Variants in SREBF2 observed in about 807,000 individuals in gnomAD.
The protein encoded by SREBF2 is sterol regulatory element binding transcription factor 2.
Under a neutral mutation model 113.1 loss-of-function variants are expected in SREBF2, and 55 were observed. The observed-to-expected ratio is 0.49, with a 90% CI of 0.39 to 0.61. SREBF2 has a LOEUF of 0.61. SREBF2 is among the 20% of genes least tolerant of loss of function. SREBF2 has a pLI of 0.00. For synonymous variants in SREBF2, 593 were observed against 605.7 expected, an observed-to-expected ratio of 0.98 and a Z score of 0.31; for missense variants, 1,349 against 1,487.4, an observed-to-expected ratio of 0.91 and a Z score of 1.53.
intron 1 of SREBF2, among the ~76,000 whole-genome samples, chr22:41,862,014 AGCCCCT>A (rs2077031737): frequency 6.6e-6 from 1 of 152,244 alleles, no homozygotes; most frequent in African/African-American, 2.4e-5. Context: ...TAGGTTTCCC[AGCCCCT>A]AATAGGGCTG....
intron 1 of SREBF2, among the ~76,000 whole-genome samples, chr22:41,847,685 T>C (rs757102830): frequency 6.6e-6 from 1 of 152,236 alleles, no homozygotes; most frequent in Non-Finnish European, 1.5e-5. Flanking sequence ...ACTTAGCCTC[T>C]GAGTGCCTCA....
rs2077287031 is a variant in SREBF2, at chr22:41,885,014, G to A, written c.2208+3G>A. On this transcript the variant is annotated splice_donor_region_variant and intron_variant, in intron 11 of 18. Coordinates refer to ENST00000361204, the MANE Select transcript of SREBF2 (RefSeq NM_004599.4). ...GAGGCAAGCTGGGCTTCCTGGCCGT[G>A]AGTACCCTTCGGTTCCCTTCTGTAA... 1 of 1,614,062 alleles carries A rather than the reference G, an allele frequency of 6.2e-7. No individual in the cohort carries two copies. The highest frequency in any genetic ancestry group is 2.2e-5 in the East Asian group (1 of 44,880).
intron 1 of SREBF2, among the ~76,000 whole-genome samples, chr22:41,835,414 G>A (rs373937393): frequency 1.3e-5 from 2 of 149,416 alleles, no homozygotes; most frequent in African/African-American, 2.5e-5. Context: ...GAGTTCAGGC[G>A]ATTCTCCTGT....
intron 7 of SREBF2, 128 bp from the exon 8 acceptor site, chr22:41,877,101 C>G (rs1266747295): frequency 1.5e-5 from 14 of 931,672 alleles, no homozygotes; most frequent in Non-Finnish European, 2.4e-5. Flanking sequence ...TCCCATCTGG[C>G]CTTAGTCCTG....
chr22:41,902,136 C>T (rs1433254462), intron 16 of SREBF2, among the ~76,000 whole-genome samples: 2 of 152,204 alleles, frequency 1.3e-5, no homozygotes, highest in African/African-American at 4.8e-5. Context: ...GGAGGAAAGC[C>T]AGGGCTGGGT....
Position 41,868,699 on chromosome 22 carries a change from G to A in SREBF2, c.627G>A (p.Gln209=), listed in dbSNP as rs2077110446. Residue 209 remains glutamine (Q), a synonymous_variant, in exon 3 of 19, where the codon CAG becomes CAA. Transcript: ENST00000361204. ...AGCAGGTGCAGACAGTACAGGCCCAGCGGGTGCTGACACAAACGGCCAATG... is the reference window on the plus strand; with the variant it reads ...AGCAGGTGCAGACAGTACAGGCCCAACGGGTGCTGACACAAACGGCCAATG... ...IQQQVQTVQA[Q]RVLTQTANGT... The A allele has an allele frequency of 1.2e-6, 2 of 1,614,220 alleles. No individual in the cohort carries two copies.
chr22:41,867,012 G>A lies in SREBF2; in HGVS notation c.270G>A (p.Arg90=). 2 of 1,614,036 alleles carry A rather than the reference G, an allele frequency of 1.2e-6. No homozygotes were observed. Among genetic ancestry groups the A allele is most frequent in the African/African-American group, 1.3e-5 (1 of 75,030 alleles). The change falls in exon 2 of 19, where the codon CGG becomes CGA. Residue 90 remains arginine, a synonymous_variant. Coordinates refer to ENST00000361204, the MANE Select transcript of SREBF2 (RefSeq NM_004599.4). ...SSGAVDPSVQ[R]SFTQVTLPSF... ...GAGCTGTGGACCCTTCAGTGCAACG[G>A]TCATTCACCCAGGTCACATTACCTT...
At chr22:41,904,835 G>A (rs1428061318) in intron 17 of SREBF2, 28 bp from the exon 18 acceptor site, 2 of 1,541,340 alleles carry the variant, frequency 1.3e-6, no homozygotes, top group East Asian at 2.4e-5. Context: ...CCAGGGGTGT[G>A]ATGGATGTCA....
chr22:41,867,347 T>G, intron 2 of SREBF2, 67 bp downstream of exon 2: 1 of 1,541,828 alleles, frequency 6.5e-7, no homozygotes, highest in East Asian at 2.2e-5. Context: ...TTGCAGACAC[T>G]GTAAATATTT....
At chr22:41,863,892 T>C (rs1000717879) in intron 1 of SREBF2, among the ~76,000 whole-genome samples, 4 of 152,058 alleles carry the variant, frequency 2.6e-5, no homozygotes, top group African/African-American at 9.7e-5. Context: ...TTTATTTATT[T>C]ATTTTTTGGG....
intron 2 of SREBF2, 146 bp from the exon 3 acceptor site, chr22:41,868,465 C>G: frequency 1.1e-6 from 1 of 917,490 alleles, no homozygotes; most frequent in Non-Finnish European, 1.8e-6. Context: ...GTCTAAGCCA[C>G]CTTGTAAATG....
chr22:41,886,536 T>C (rs985886836), intron 11 of SREBF2, among the ~76,000 whole-genome samples: 2 of 152,178 alleles, frequency 1.3e-5, no homozygotes, highest in African/African-American at 4.8e-5. Context: ...ACATTTTAAC[T>C]TACGGCTTGA....
At chr22:41,834,634 A>C (rs1027543562) in intron 1 of SREBF2, 6 of 152,602 alleles carry the variant, frequency 3.9e-5, no homozygotes, top group African/African-American at 1.2e-4. Context: ...ATTGAAAAGG[A>C]TCTGTTTGCC....
At chr22:41,854,608 C>A (rs2076961141) in intron 1 of SREBF2, among the ~76,000 whole-genome samples, 1 of 151,878 alleles carries the variant, frequency 6.6e-6, no homozygotes, top group Admixed American at 6.6e-5. Context: ...GTGGCTCATT[C>A]CTATAATCCC....
chr22:41,848,797 G>A (rs2076901565), intron 1 of SREBF2, among the ~76,000 whole-genome samples: 2 of 152,140 alleles, frequency 1.3e-5, no homozygotes, highest in South Asian at 4.1e-4. Flanking sequence ...TTCTTCCTGT[G>A]TAAAAACCAC....
intron 9 of SREBF2, among the ~76,000 whole-genome samples, chr22:41,879,061 T>A (rs1160948937): frequency 6.6e-6 from 1 of 152,126 alleles, no homozygotes; most frequent in Non-Finnish European, 1.5e-5. Context: ...AAGGTCTCAC[T>A]GTGTTGCCTG....
intron 9 of SREBF2, among the ~76,000 whole-genome samples, chr22:41,879,455 G>T (rs1037955439): frequency 6.6e-6 from 1 of 152,174 alleles, no homozygotes; most frequent in Non-Finnish European, 1.5e-5. Context: ...GTCAGCAGAG[G>T]GTTCTTAGGG....
At position 41,871,038 on chromosome 22, in the gene SREBF2, A is replaced by G; in HGVS notation, c.867+3A>G. ...AGACGGCTGCCCTTCAAGTACCAGT[A>G]AGAGCTGCCTTCTCCCCCACCCTCC... On this transcript the variant is annotated splice_donor_region_variant and intron_variant, in intron 4 of 18. Coordinates refer to ENST00000361204, the MANE Select transcript of SREBF2 (RefSeq NM_004599.4). 6.2e-7 allele frequency: 1 copy of G among 1,614,036 alleles called. No individual in the cohort carries two copies.
intron 1 of SREBF2, among the ~76,000 whole-genome samples, chr22:41,863,208 A>T (rs2077041958): frequency 6.6e-6 from 1 of 152,240 alleles, no homozygotes; most frequent in South Asian, 2.1e-4. Context: ...TTTTGTAGTG[A>T]GGAAACCAAG....
Sources: allele counts gnomAD v4.1 joint callset (sites outside exome capture counted in the v4.1 genomes callset), GRCh38; gene constraint gnomAD v4.1.1; transcripts MANE v1.5; gene names NCBI Gene and HGNC (gene_info 2026-07-23, HGNC 2026-07-21).